The following BUD31 variants were observed in gnomAD, a reference collection of about 807,000 sequenced individuals.
BUD31 encodes protein BUD31 homolog.
BUD31 carries 9 observed loss-of-function variants against 17.9 expected under a neutral mutation model. The ratio of observed to expected loss-of-function variants is 0.50; its 90% CI spans 0.30 to 0.88. The LOEUF is 0.88. Among genes scored for constraint, BUD31 ranks in the 40% least tolerant of loss-of-function variants. The pLI, the probability that BUD31 is intolerant of heterozygous loss-of-function variation, is 0.06. For missense variants in BUD31, 148 were observed against 184.5 expected, an observed-to-expected ratio of 0.80 and a Z score of 1.15; for synonymous variants, 70 against 64.7, an observed-to-expected ratio of 1.08 and a Z score of -0.39.
At chr7:99,409,474 G>C (rs1795084686) in intron 1 of BUD31, among the ~76,000 whole-genome samples, 2 of 151,828 alleles carry the variant, frequency 1.3e-5, no homozygotes, top group African/African-American at 2.4e-5. Context: ...TTTCACCTCC[G>C]AGAGGCCTCT....
At chr7:99,412,063 T>C (rs1264198420) in intron 3 of BUD31, 1 of 179,814 alleles carries the variant, frequency 5.6e-6, no homozygotes, top group Non-Finnish European at 1.2e-5. Context: ...CTAATCATGG[T>C]TATTATGAGG....
At chr7:99,411,416 C>G (rs1216556520) in intron 3 of BUD31, among the ~76,000 whole-genome samples, 1 of 151,588 alleles carries the variant, frequency 6.6e-6, no homozygotes, top group Non-Finnish European at 1.5e-5. Flanking sequence ...TTTGCCAACT[C>G]GAATATAAAA....
chr7:99,415,230 G>A, intron 3 of BUD31: 1 of 455,628 alleles, frequency 2.2e-6, no homozygotes. Flanking sequence ...CAAGACAAAG[G>A]GGCAGGATAA....
Position 99,410,030 on chromosome 7 carries a change from A to C in BUD31, c.-165-4A>C. ...TCAGCCAATCCACTGCCCTCATTTT[A>C]CAGAAGAAACAGGACCAGAGAGGGA... On this transcript the variant is annotated splice_region_variant and splice_polypyrimidine_tract_variant and intron_variant, in intron 1 of 5. Transcript: ENST00000222969. The C allele has an allele frequency of 6.6e-6, 1 of 152,168 alleles. No homozygotes were observed. Among genetic ancestry groups the C allele is most frequent in the East Asian group, 1.9e-4 (1 of 5,188 alleles). 9.4% of individuals were successfully genotyped at this position (152,168 alleles called of 1,614,324 possible).
At chr7:99,416,896 T>C (rs1795507859) in intron 4 of BUD31, 1 of 162,568 alleles carries the variant, frequency 6.2e-6, no homozygotes, top group South Asian at 1.6e-4. Flanking sequence ...AATTTTTAAA[T>C]TTTTTGTGGA....
chr7:99,419,337 T>TGCAGGGGCGAGCGTGGCGCAGTG, intron 5 of BUD31, 54 bp from the exon 6 acceptor site: 18 of 1,601,258 alleles, frequency 1.1e-5, no homozygotes, highest in Non-Finnish European at 1.5e-5. Context: ...TATGTGAGTG[T>TGCAGGGGCGAGCGTGGCGCAGTG]GCAGGGGCGA....
chr7:99,411,045 A>G lies in BUD31; in HGVS notation c.-29-19A>G, dbSNP rs755621713. 5 of 1,534,646 alleles carry G rather than the reference A, an allele frequency of 3.3e-6. No individual in the cohort carries two copies. The highest frequency in any genetic ancestry group is 1.8e-5 in the Admixed American group (1 of 56,844). ...TTGGGGATTTGAGACTCAGAAACCA[A>G]TTCATTTTTTTCCCCCAGATCTTTG... On this transcript the variant is annotated intron_variant, in intron 2 of 5. Transcript: ENST00000222969.
chr7:99,409,867 AC>A (rs1216425952), intron 1 of BUD31, among the ~76,000 whole-genome samples, 166 bp from the exon 2 acceptor site: 1 of 152,062 alleles, frequency 6.6e-6, no homozygotes, highest in Non-Finnish European at 1.5e-5. Flanking sequence ...TAAATACTTA[AC>A]CTGGGTTCTC....
chr7:99,414,586 T>TA (rs1348664668), intron 3 of BUD31, among the ~76,000 whole-genome samples: 1 of 152,094 alleles, frequency 6.6e-6, no homozygotes, highest in Non-Finnish European at 1.5e-5. Flanking sequence ...TATCAGTACT[T>TA]ACTTCATTCC....
chr7:99,416,227 G>T lies in BUD31; in HGVS notation c.184G>T (p.Asp62Tyr). The T allele has an allele frequency of 1.2e-6, 2 of 1,613,852 alleles. No homozygotes were observed. Among genetic ancestry groups the T allele is most frequent in the Admixed American group, 3.3e-5 (2 of 59,994 alleles). ...IHHQKTRYIF[D>Y]LFYKRKAISR... ...CCACCAGAAAACCCGCTACATCTTC[G>T]ACCTCTTTTACAAGCGGAAAGCCAT... The change falls in exon 4 of 6, where the codon GAC becomes TAC. Residue 62 changes from aspartate to tyrosine, a missense_variant. Coordinates refer to ENST00000222969, the MANE Select transcript of BUD31 (RefSeq NM_003910.4).
chr7:99,408,969 G>A lies in BUD31; in HGVS notation c.-442G>A, dbSNP rs907291227. The A allele has an allele frequency of 6.1e-6, 1 of 162,616 alleles. No homozygotes were observed. The highest frequency in any genetic ancestry group is 2.4e-5 in the African/African-American group (1 of 41,910). The allele number at this position is 162,616 out of a possible 1,614,324, so 10.1% of individuals were successfully genotyped here. On this transcript the variant is annotated 5_prime_UTR_variant, in exon 1 of 6. Transcript: ENST00000222969. ...ATCGCCTGAAGAGCGGAAGCCTTCT[G>A]TCGAGAAGCAGCTACCCAAGCTCCA...
Position 99,417,460 on chromosome 7 carries a change from T to C in BUD31, c.249T>C (p.Tyr83=). 6.2e-7 allele frequency: 1 copy of C among 1,613,326 alleles called. No individual in the cohort carries two copies. The highest frequency in any genetic ancestry group is 8.5e-7 in the Non-Finnish European group (1 of 1,179,732). ...ATGAATATTGTATTAAAGAAGGCTA[T>C]GCAGACAAAAACCTGATTGCAAAAT... ...ELYEYCIKEG[Y]ADKNLIAKWK... The change falls in exon 5 of 6, where the codon TAT becomes TAC. Residue 83 remains tyrosine, a synonymous_variant. Transcript: ENST00000222969.
At position 99,419,216 on chromosome 7, in the gene BUD31, C is replaced by T. The variant is rs552639266; in HGVS notation, c.385-175C>T. 11 of 642,250 alleles carry T rather than the reference C, an allele frequency of 1.7e-5. No individual in the cohort carries two copies. The East Asian group carries it at 2.7e-4, about 16-fold the overall frequency. The allele number at this position is 642,250 out of a possible 1,614,324, so 39.8% of individuals were successfully genotyped here. A position where few individuals can be genotyped will look rare whatever the true frequency, so the allele number is the denominator to read the frequency against. ...ACCTCGGTGTCAACAGCAGCTGGTT[C>T]TACCTTCATGAGGGAGCCAAATTTT... On this transcript the variant is annotated intron_variant, in intron 5 of 5. Transcript: ENST00000222969.
chr7:99,411,222 C>G, intron 3 of BUD31, 36 bp downstream of exon 3: 1 of 1,554,610 alleles, frequency 6.4e-7, no homozygotes, highest in Non-Finnish European at 8.9e-7. Flanking sequence ...TGGGCTGGGT[C>G]CAAGGGTCAC....
At chr7:99,414,042 G>A (rs998655051) in intron 3 of BUD31, among the ~76,000 whole-genome samples, 1 of 152,216 alleles carries the variant, frequency 6.6e-6, no homozygotes, top group Non-Finnish European at 1.5e-5. Flanking sequence ...ACACATGGAT[G>A]TGAACACCCA....
intron 5 of BUD31, 105 bp from the exon 6 acceptor site, chr7:99,419,286 A>G: frequency 1.4e-6 from 2 of 1,387,150 alleles, no homozygotes; most frequent in Non-Finnish European, 1.0e-6. Flanking sequence ...GTGTGTCCCT[A>G]TATGGCATGG....
rs1253246416 is a variant in BUD31 at position 99,411,599 on chromosome 7, C to T, written c.94+413C>T. Among the ~76,000 whole-genome samples the T allele has an allele frequency of 2.0e-5, 3 of 152,132 alleles. No homozygotes were observed. The East Asian group carries it at 5.8e-4, about 29-fold the overall frequency. On this transcript the variant is annotated intron_variant, in intron 3 of 5. Coordinates refer to ENST00000222969, the MANE Select transcript of BUD31 (RefSeq NM_003910.4). ...CACTTCCTTGTAAATGGCGTGTGAT[C>T]CTGCTTTGTGAACCCGTGTCCTATG...
In BUD31 at chr7:99,417,600, T is replaced by C. The variant is rs374155697; in HGVS notation, c.384+5T>C. ...CCCAAAAGCAAGCTGGAAGTGGTAA[T>C]GTCTGACACTCAAGCTTGGTGTTGT... On this transcript the variant is annotated splice_donor_5th_base_variant and intron_variant, in intron 5 of 5. Coordinates refer to ENST00000222969, the MANE Select transcript of BUD31 (RefSeq NM_003910.4). The C allele has an allele frequency of 3.3e-4, 528 of 1,610,652 alleles. 3 individuals carry two copies. Among genetic ancestry groups the C allele is most frequent in the Middle Eastern group, 1.6e-4 (1 of 6,084 alleles).
At chr7:99,411,489 T>C (rs1419214074) in intron 3 of BUD31, among the ~76,000 whole-genome samples, 1 of 152,228 alleles carries the variant, frequency 6.6e-6, no homozygotes, top group Non-Finnish European at 1.5e-5. Flanking sequence ...TAGATATATA[T>C]TTAAAATCAT....
Sources: gnomAD v4.1 joint callset for allele counts (sites outside exome capture counted in the v4.1 genomes callset) on GRCh38, gnomAD v4.1.1 for gene constraint, MANE v1.5 for transcripts, NCBI Gene and HGNC (gene_info 2026-07-23, HGNC 2026-07-21) for gene names.